The following BSDC1 variants were observed in gnomAD, a reference collection of about 807,000 sequenced individuals.
The protein encoded by BSDC1 is BSD domain containing 1.
In BSDC1, 29 loss-of-function variants were observed where a neutral mutation model predicts 56.0. The ratio of observed to expected loss-of-function variants is 0.52; its 90% CI spans 0.39 to 0.71. BSDC1 has a LOEUF of 0.71. Among genes scored for constraint, BSDC1 ranks in the 30% least tolerant of loss-of-function variants. BSDC1 has a pLI of 0.00. For missense variants in BSDC1, 477 were observed against 548.5 expected, an observed-to-expected ratio of 0.87 and a Z score of 1.30; for synonymous variants, 210 against 215.3, an observed-to-expected ratio of 0.98 and a Z score of 0.21.
rs1358849223 is a variant in BSDC1 at position 32,394,074 on chromosome 1, G to A, written c.72+6C>T. On this transcript the variant is annotated splice_donor_region_variant and intron_variant, in intron 2 of 10. Transcript: ENST00000455895. ...CTGAGGGAAGAAGGGCACGGGCCCG[G>A]CTTACCTTCTCTTTGACTGCTTGGT... The A allele has an allele frequency of 1.9e-6, 3 of 1,607,074 alleles. No homozygotes were observed. The highest frequency in any genetic ancestry group is 2.5e-6 in the Non-Finnish European group (3 of 1,177,260).
intron 10 of BSDC1, chr1:32,367,393 G>A (rs1006011147): frequency 2.6e-5 from 26 of 985,290 alleles, no homozygotes; most frequent in Non-Finnish European, 3.1e-5. Flanking sequence ...TCTGTCCTGG[G>A]TATAGTGAGG....
In BSDC1 at chr1:32,378,128, G is replaced by A; in HGVS notation, c.598-80C>T. The A allele has an allele frequency of 6.2e-7, 1 of 1,600,504 alleles. No individual in the cohort carries two copies. The highest frequency in any genetic ancestry group is 8.5e-7 in the Non-Finnish European group (1 of 1,169,746). ...CCTGGTCCTGATCCCACAACTCTTG[G>A]CACCCTGTATCCCTTTCTTCTCTCA... On this transcript the variant is annotated intron_variant, in intron 7 of 10. Coordinates refer to ENST00000455895, the MANE Select transcript of BSDC1 (RefSeq NM_018045.8). The surrounding 1 kb of genome is among the most constrained non-coding windows in gnomAD (Gnocchi z 5.2).
At chr1:32,379,815 G>C (rs1438235438) in intron 5 of BSDC1, among the ~76,000 whole-genome samples, 3 of 152,130 alleles carry the variant, frequency 2.0e-5, no homozygotes, top group African/African-American at 7.2e-5. Context: ...CTAGGTTCTG[G>C]CCTTACCTCT....
chr1:32,373,560 C>T (rs1246778852), intron 9 of BSDC1, among the ~76,000 whole-genome samples: 2 of 152,134 alleles, frequency 1.3e-5, no homozygotes, highest in Non-Finnish European at 2.9e-5. Flanking sequence ...TCAGCTCTGT[C>T]ACCCAGGCTG....
intron 10 of BSDC1, chr1:32,368,163 C>T (rs114378061): frequency 0.022 from 31,097 of 1,431,444 alleles, 385 homozygotes; most frequent in Middle Eastern, 0.029. Context: ...TGAGCCACCG[C>T]GCTCAGCATG....
At chr1:32,371,874 G>A (rs1642103478) in intron 9 of BSDC1, among the ~76,000 whole-genome samples, 1 of 151,502 alleles carries the variant, frequency 6.6e-6, no homozygotes, top group Admixed American at 6.6e-5. Flanking sequence ...GCAAATTATT[G>A]TTGGCTTCAG....
Position 32,378,848 on chromosome 1 carries a change from G to A in BSDC1, c.413-9C>T. The A allele has an allele frequency of 6.7e-7, 1 of 1,481,494 alleles. No homozygotes were observed. The highest frequency in any genetic ancestry group is 9.0e-7 in the Non-Finnish European group (1 of 1,112,390). 91.8% of individuals were successfully genotyped at this position (1,481,494 alleles called of 1,614,324 possible). A position where few individuals can be genotyped will look rare whatever the true frequency, so the allele number is the denominator to read the frequency against. On this transcript the variant is annotated splice_polypyrimidine_tract_variant and intron_variant, in intron 5 of 10. Transcript: ENST00000455895. This position sits in a 1 kb window ranked among gnomAD's most constrained non-coding sequence, Gnocchi z 5.2. ...AAACAATTCCGGGGGCCCTGCAGAG[G>A]GACAGATGCTGACGGTCAGTTGCCT...
chr1:32,393,633 C>G (rs1047627845), intron 2 of BSDC1: 3 of 166,344 alleles, frequency 1.8e-5, no homozygotes, highest in African/African-American at 7.2e-5. Context: ...TTGTAAGGCC[C>G]AGGATTACAT....
rs760141230 is a variant in BSDC1 at position 32,382,867 on chromosome 1, CAAAAAAAAAAA to C, written c.357+952_357+962del. ...CCTGGGTGACAGAGTGAGACCGTCTCAAAAAAAAAAAAAAAAAAAAAAGAAGAAGAAAAGAA... is the reference window on the plus strand; with the variant it reads ...CCTGGGTGACAGAGTGAGACCGTCTCAAAAAAAAAAAGAAGAAGAAAAGAA... On this transcript the variant is annotated intron_variant, in intron 4 of 10. Transcript: ENST00000455895. Among the ~76,000 whole-genome samples, 8 of 47,106 alleles carry C rather than the reference CAAAAAAAAAAA, an allele frequency of 1.7e-4. No homozygotes were observed. In the East Asian group the frequency reaches 3.8e-3, roughly 22 times the overall value. The allele number at this position is 47,106 out of a possible 152,430, so 30.9% of individuals were successfully genotyped here. A position where few individuals can be genotyped will look rare whatever the true frequency, so the allele number is the denominator to read the frequency against.
intron 9 of BSDC1, among the ~76,000 whole-genome samples, chr1:32,372,806 G>A (rs531252612): frequency 7.0e-4 from 107 of 152,272 alleles, no homozygotes; most frequent in Non-Finnish European, 1.3e-3. Context: ...TGTTTAATCG[G>A]CTCTCTGCTT....
At chr1:32,389,729 G>C (rs559051003) in intron 2 of BSDC1, among the ~76,000 whole-genome samples, 2 of 151,960 alleles carry the variant, frequency 1.3e-5, no homozygotes, top group Admixed American at 6.6e-5. Context: ...GAGGCAGGAG[G>C]ATTGCTTGAG....
chr1:32,373,668 G>T (rs981985534), intron 9 of BSDC1, among the ~76,000 whole-genome samples: 3 of 151,952 alleles, frequency 2.0e-5, no homozygotes, highest in Non-Finnish European at 4.4e-5. Context: ...CTACAGGCAC[G>T]TGCCACCACA....
At chr1:32,367,724 C>A in intron 10 of BSDC1, 1 of 972,440 alleles carries the variant, frequency 1.0e-6, no homozygotes, top group East Asian at 1.1e-4. Flanking sequence ...CTAAGGCCTC[C>A]TTGAGCTTAA....
At position 32,381,281 on chromosome 1, in the gene BSDC1, G is replaced by C. The variant is rs1486741647; in HGVS notation, c.358-13C>G. The C allele has an allele frequency of 6.2e-7, 1 of 1,613,072 alleles. No homozygotes were observed. The highest frequency in any genetic ancestry group is 8.5e-7 in the Non-Finnish European group (1 of 1,179,530). On this transcript the variant is annotated splice_polypyrimidine_tract_variant and intron_variant, in intron 4 of 10. Transcript: ENST00000455895. Reference sequence around the variant, plus strand: ...TATAGAGGCGAGCCTGTAAGAAAAGGAGAAGAGGAAAACAGAAATTCTGAG... The same window carrying C: ...TATAGAGGCGAGCCTGTAAGAAAAGCAGAAGAGGAAAACAGAAATTCTGAG...
intron 2 of BSDC1, among the ~76,000 whole-genome samples, chr1:32,392,349 CAAAA>C (rs936956545): frequency 1.3e-5 from 2 of 151,824 alleles, no homozygotes; most frequent in Non-Finnish European, 2.9e-5. Context: ...AAACAAAAAA[CAAAA>C]AACACTTGCC....
At chr1:32,383,267 A>C (rs1353660334) in intron 4 of BSDC1, among the ~76,000 whole-genome samples, 1 of 151,918 alleles carries the variant, frequency 6.6e-6, no homozygotes, top group Non-Finnish European at 1.5e-5. Flanking sequence ...ACACAGTGAG[A>C]CCCCGTTTCT....
At chr1:32,392,862 G>A (rs1421186473) in intron 2 of BSDC1, among the ~76,000 whole-genome samples, 1 of 152,172 alleles carries the variant, frequency 6.6e-6, no homozygotes, top group East Asian at 1.9e-4. Flanking sequence ...TGAGGAGTTC[G>A]AGACCAGTCT....
At position 32,387,216 on chromosome 1, in the gene BSDC1, A is replaced by G. The variant is rs113938266; in HGVS notation, c.73-321T>C. Among the ~76,000 whole-genome samples the G allele has an allele frequency of 4.4e-3, 666 of 152,328 alleles. 4 individuals are homozygous for G. Among genetic ancestry groups the G allele is most frequent in the African/African-American group, 0.015 (637 of 41,580 alleles). ...GAGGTGATCTAGATCAGAGATTCTC[A>G]AGAGCAAACAGGAAAAGAGGGGGCA... On this transcript the variant is annotated intron_variant, in intron 2 of 10. Coordinates refer to ENST00000455895, the MANE Select transcript of BSDC1 (RefSeq NM_018045.8).
chr1:32,386,958 CT>C, intron 2 of BSDC1, 63 bp from the exon 3 acceptor site: 2 of 1,329,922 alleles, frequency 1.5e-6, no homozygotes, highest in Non-Finnish European at 2.2e-6. Flanking sequence ...TTCCTGTTCC[CT>C]GTGTTTCTTC....
Sources: allele counts gnomAD v4.1 joint callset (sites outside exome capture counted in the v4.1 genomes callset), GRCh38; gene constraint gnomAD v4.1.1; non-coding constraint Gnocchi (gnomAD v3.1); transcripts MANE v1.5; gene names NCBI Gene and HGNC (gene_info 2026-07-23, HGNC 2026-07-21).